HYOU1: variants seen among roughly 807,000 people sequenced by gnomAD.
HYOU1 encodes hypoxia up-regulated 1, also known as hypoxia up-regulated protein 1.
Under a neutral mutation model 120.5 loss-of-function variants are expected in HYOU1, and 40 were observed. The observed-to-expected ratio is 0.33, with a 90% CI of 0.26 to 0.43. The LOEUF is 0.43. Ranked by LOEUF, HYOU1 falls within the 20% of genes least tolerant of loss-of-function variation. HYOU1 has a pLI of 1.00. For missense variants in HYOU1, 1,085 were observed against 1,278.3 expected, an observed-to-expected ratio of 0.85 and a Z score of 2.31; for synonymous variants, 501 against 479.4, an observed-to-expected ratio of 1.05 and a Z score of -0.59.
chr11:119,045,435 T>A lies in HYOU1; in HGVS notation c.*158A>T, dbSNP rs1249781306. 1.3e-6 allele frequency: 1 copy of A among 754,754 alleles called. No homozygotes were observed. The highest frequency in any genetic ancestry group is 2.4e-6 in the Non-Finnish European group (1 of 419,094). The allele number at this position is 754,754 out of a possible 1,614,324, so 46.8% of individuals were successfully genotyped here. ...GGTACTGCAGAAGGAACCAGTGAGC[T>A]GTCCCTCCCTTCCCCTTCTCCACAC... On this transcript the variant is annotated 3_prime_UTR_variant, in exon 26 of 26. Transcript: ENST00000617285.
In HYOU1 at chr11:119,048,157, T is replaced by C; in HGVS notation, c.2377-77A>G. ...GGAGTCAGCCCCATGTCCTTCTTTA[T>C]GGGCTCAAGCCCCAGCTCTTCTCTC... On this transcript the variant is annotated intron_variant, in intron 20 of 25. Coordinates refer to ENST00000617285, the MANE Select transcript of HYOU1 (RefSeq NM_006389.5). This position sits in a 1 kb window ranked among gnomAD's most constrained non-coding sequence, Gnocchi z 4.7. 6.2e-7 allele frequency: 1 copy of C among 1,611,200 alleles called. No individual in the cohort carries two copies. The highest frequency in any genetic ancestry group is 8.5e-7 in the Non-Finnish European group (1 of 1,179,368).
At chr11:119,047,649 G>A in intron 22 of HYOU1, 85 bp downstream of exon 22, 1 of 1,105,114 alleles carries the variant, frequency 9.0e-7, no homozygotes, top group Non-Finnish European at 1.4e-6. Context: ...GGAGGCAGGG[G>A]CTGCTGTGGC....
In HYOU1 at chr11:119,049,645, G is replaced by A; in HGVS notation, c.1727-10C>T. 1.2e-6 allele frequency: 2 copies of A among 1,614,102 alleles called. No homozygotes were observed. Among genetic ancestry groups the A allele is most frequent in the Non-Finnish European group, 1.7e-6 (2 of 1,179,972 alleles). ...ATGGTGTTGCCAAGTTCTAGGGGGA[G>A]TAAAACCCAAAGACTCAAAAGGAGA... On this transcript the variant is annotated splice_polypyrimidine_tract_variant and intron_variant, in intron 15 of 25. Transcript: ENST00000617285.
At position 119,049,851 on chromosome 11, in the gene HYOU1, C is replaced by G; in HGVS notation, c.1666-14G>C. The stretch of plus-strand genomic sequence containing the variant: ...TACAGACTCCACCTGAAAACAGGTT[C>G]AAAATGAAAAAATACACAGGCTAAT... On this transcript the variant is annotated splice_polypyrimidine_tract_variant and intron_variant, in intron 14 of 25. Coordinates refer to ENST00000617285, the MANE Select transcript of HYOU1 (RefSeq NM_006389.5). The G allele has an allele frequency of 6.2e-7, 1 of 1,612,650 alleles. No individual in the cohort carries two copies. Among genetic ancestry groups the G allele is most frequent in the Middle Eastern group, 1.7e-4 (1 of 6,060 alleles).
In HYOU1 at chr11:119,047,863, C is replaced by T. The variant is rs145651462; in HGVS notation, c.2511-45G>A. On this transcript the variant is annotated intron_variant, in intron 21 of 25. Coordinates refer to ENST00000617285, the MANE Select transcript of HYOU1 (RefSeq NM_006389.5). ...CCATTAGCCCCAGAGGGAGAGGGGC[C>T]TGGAGTGTGGGGAGTGGGAAGCTGG... 1.1e-3 allele frequency: 1,739 copies of T among 1,612,974 alleles called. 25 individuals are homozygous for T. In the African/African-American group the frequency reaches 0.02, roughly 19 times the overall value.
At chr11:119,054,788 T>A in intron 6 of HYOU1, 113 bp from the exon 7 acceptor site, 1 of 1,203,842 alleles carries the variant, frequency 8.3e-7, no homozygotes, top group Non-Finnish European at 1.2e-6. Context: ...GGGGCTGTCC[T>A]GTGCACTGTA....
chr11:119,051,183 A>C lies in HYOU1; in HGVS notation c.1527-10T>G, dbSNP rs2133583137. ...CTGGGAGCCAAATACCCTGGTTGGGAAGGAAAGAGGAGTTCAGGGGGACCC... is the reference window on the plus strand; with the variant it reads ...CTGGGAGCCAAATACCCTGGTTGGGCAGGAAAGAGGAGTTCAGGGGGACCC... On this transcript the variant is annotated splice_polypyrimidine_tract_variant and intron_variant, in intron 13 of 25. Transcript: ENST00000617285. This position sits in a 1 kb window ranked among gnomAD's most constrained non-coding sequence, Gnocchi z 4.2. 2 of 1,614,160 alleles carry C rather than the reference A, an allele frequency of 1.2e-6. No individual in the cohort carries two copies. Among genetic ancestry groups the C allele is most frequent in the Non-Finnish European group, 1.7e-6 (2 of 1,180,034 alleles).
At chr11:119,054,815 C>A (rs1044971396) in intron 6 of HYOU1, 140 bp from the exon 7 acceptor site, 5 of 1,083,706 alleles carry the variant, frequency 4.6e-6, no homozygotes, top group Admixed American at 2.3e-5. Flanking sequence ...TGAGCAGCAT[C>A]CCCGGCCTCT....
In HYOU1 at chr11:119,052,278, T is replaced by C; in HGVS notation, c.1122+17A>G. On this transcript the variant is annotated intron_variant, in intron 10 of 25. Transcript: ENST00000617285. This position sits in a 1 kb window ranked among gnomAD's most constrained non-coding sequence, Gnocchi z 5.0. ...CCCTTTCCTACGGGGCATTCCCGCC[T>C]TCCCCTACTCGCTCACCAGACTCAT... The C allele has an allele frequency of 6.2e-7, 1 of 1,614,216 alleles. No homozygotes were observed. The highest frequency in any genetic ancestry group is 8.5e-7 in the Non-Finnish European group (1 of 1,180,026).
At position 119,052,007 on chromosome 11, in the gene HYOU1, C is replaced by G. The variant is rs1333811665; in HGVS notation, c.1206-56G>C. 3.7e-6 allele frequency: 6 copies of G among 1,613,114 alleles called. No individual in the cohort carries two copies. Among genetic ancestry groups the G allele is most frequent in the Non-Finnish European group, 4.2e-6 (5 of 1,179,290 alleles). On this transcript the variant is annotated intron_variant, in intron 11 of 25. Coordinates refer to ENST00000617285, the MANE Select transcript of HYOU1 (RefSeq NM_006389.5). This position sits in a 1 kb window ranked among gnomAD's most constrained non-coding sequence, Gnocchi z 5.0. ...ACCCTGGAGCATGCAACCGGGACTT[C>G]CCTCCCCTCAGCCCTCCAGCTGCTC...
chr11:119,049,007 C>A lies in HYOU1; in HGVS notation c.1992+11G>T. On this transcript the variant is annotated intron_variant, in intron 17 of 25. Transcript: ENST00000617285. ...CTGGATCCACACTGGCCTTCCTCTG[C>A]CACAGCTCACCTGGGCCTCAGACTT... The A allele has an allele frequency of 6.2e-7, 1 of 1,613,940 alleles. No individual in the cohort carries two copies. Among genetic ancestry groups the A allele is most frequent in the Non-Finnish European group, 8.5e-7 (1 of 1,179,828 alleles).
Position 119,045,509 on chromosome 11 carries a change from A to AC in HYOU1, c.*83dup. 1 of 1,243,184 alleles carries AC rather than the reference A, an allele frequency of 8.0e-7. No individual in the cohort carries two copies. The highest frequency in any genetic ancestry group is 1.2e-5 in the South Asian group (1 of 83,758). 77.0% of individuals were successfully genotyped at this position (1,243,184 alleles called of 1,614,324 possible). A position where few individuals can be genotyped will look rare whatever the true frequency, so the allele number is the denominator to read the frequency against. ...GGAACTCCAGCCGAGGGCAGGACCA[A>AC]CCCCTCCCCCAACCCTCGATGTTAA... On this transcript the variant is annotated 3_prime_UTR_variant, in exon 26 of 26. Transcript: ENST00000617285.
intron 8 of HYOU1, chr11:119,053,859 AC>A (rs1039247468): frequency 2.7e-6 from 1 of 372,980 alleles, no homozygotes; most frequent in African/African-American, 2.1e-5. Flanking sequence ...TGAATCTGAC[AC>A]CCTACATATT....
intron 8 of HYOU1, 90 bp downstream of exon 8, chr11:119,054,031 C>A: frequency 1.3e-6 from 1 of 767,824 alleles, no homozygotes; most frequent in Non-Finnish European, 2.2e-6. Flanking sequence ...CTGCAGCATG[C>A]AGGAAAGCAA....
chr11:119,055,298 G>A lies in HYOU1; in HGVS notation c.306C>T (p.His102=), dbSNP rs2133611845. The A allele has an allele frequency of 1.9e-6, 3 of 1,614,058 alleles. No individual in the cohort carries two copies. Among genetic ancestry groups the A allele is most frequent in the South Asian group, 1.1e-5 (1 of 91,082 alleles). ...NPKATLRYFQ[H]LLGKQADNPH... ...GGTTATCTGCCTGCTTCCCCAGGAG[G>A]TGCTGGAAGTAACGTAGCGTAGCCT... is the stretch of plus-strand genomic sequence containing the variant. The change falls in exon 5 of 26, where the codon CAC becomes CAT. Residue 102 remains histidine, a synonymous_variant. Coordinates refer to ENST00000617285, the MANE Select transcript of HYOU1 (RefSeq NM_006389.5). This position sits in a 1 kb window ranked among gnomAD's most constrained non-coding sequence, Gnocchi z 4.0.
chr11:119,052,233 C>A lies in HYOU1; in HGVS notation c.1123-61G>T. On this transcript the variant is annotated intron_variant, in intron 10 of 25. Coordinates refer to ENST00000617285, the MANE Select transcript of HYOU1 (RefSeq NM_006389.5). This position sits in a 1 kb window ranked among gnomAD's most constrained non-coding sequence, Gnocchi z 5.0. ...CAGTTAGCACTGACTCGTCCCTTGA[C>A]GTCCCATGGGTTTCCTATGCCCTTT... 2 of 1,613,872 alleles carry A rather than the reference C, an allele frequency of 1.2e-6. No individual in the cohort carries two copies. The highest frequency in any genetic ancestry group is 1.7e-6 in the Non-Finnish European group (2 of 1,179,760).
intron 6 of HYOU1, 38 bp from the exon 7 acceptor site, chr11:119,054,713 T>A (rs2133607578): frequency 2.5e-5 from 40 of 1,590,316 alleles, no homozygotes; most frequent in Non-Finnish European, 3.3e-5. Flanking sequence ...GCCGGCTCCA[T>A]ACCTTAGATG....
Position 119,044,835 on chromosome 11 carries a change from C to T in HYOU1, c.*758G>A, listed in dbSNP as rs553965343. ...CACGATGCTGGCACCCCATGCCAAC[C>T]ACTCTACGTGGCTTTCCTCTTCGGA... On this transcript the variant is annotated 3_prime_UTR_variant, in exon 26 of 26. Coordinates refer to ENST00000617285, the MANE Select transcript of HYOU1 (RefSeq NM_006389.5). The T allele has an allele frequency of 4.0e-6, 1 of 248,930 alleles. No homozygotes were observed. The highest frequency in any genetic ancestry group is 8.7e-5 in the East Asian group (1 of 11,554). 15.4% of individuals were successfully genotyped at this position (248,930 alleles called of 1,614,324 possible). A position where few individuals can be genotyped will look rare whatever the true frequency, so the allele number is the denominator to read the frequency against.
intron 6 of HYOU1, 21 bp downstream of exon 6, chr11:119,054,963 G>T: frequency 6.2e-7 from 1 of 1,611,824 alleles, no homozygotes. Context: ...TGGCCCTAAG[G>T]GCCCCACCTT....
Sources: gnomAD v4.1 joint callset for allele counts on GRCh38, gnomAD v4.1.1 for gene constraint, Gnocchi (gnomAD v3.1) non-coding constraint, MANE v1.5 for transcripts, NCBI Gene and HGNC (gene_info 2026-07-23, HGNC 2026-07-21) for gene names.